The following SHC4 variants were observed in gnomAD, a reference collection of about 807,000 sequenced individuals.
SHC4 encodes the protein SHC-transforming protein 4.
In SHC4, 41 loss-of-function variants were observed where a neutral mutation model predicts 69.4. The observed-to-expected ratio is 0.59, with a 90% CI of 0.46 to 0.77. The LOEUF is 0.77. SHC4 is among the 30% of genes least tolerant of loss of function. The probability of loss-of-function intolerance (pLI) is 0.00; values close to 1 mark genes in which losing one functional copy is unlikely to be tolerated. For missense variants in SHC4, 777 were observed against 783.8 expected (o/e 0.99, Z 0.10); for synonymous variants, 318 against 299.3 (o/e 1.06, Z -0.64).
chr15:48,870,192 C>A lies in SHC4; in HGVS notation c.894+1897G>T, dbSNP rs555433854. 2.0e-5 allele frequency among the ~76,000 whole-genome samples: 3 copies of A among 152,288 alleles called. No homozygotes were observed. The South Asian group carries it at 6.2e-4, about 32-fold the overall frequency. ...TTGAGTTCCTTCATGGATGACTGAGCTAGGGAGAAGAGAAAGTGCTGGTAT... is the reference window on the plus strand; with the variant it reads ...TTGAGTTCCTTCATGGATGACTGAGATAGGGAGAAGAGAAAGTGCTGGTAT... On this transcript the variant is annotated intron_variant, in intron 5 of 11. Transcript: ENST00000332408.
intron 10 of SHC4, among the ~76,000 whole-genome samples, chr15:48,841,616 C>T (rs1021710260): frequency 2.6e-5 from 4 of 152,186 alleles, no homozygotes; most frequent in Non-Finnish European, 4.4e-5. Flanking sequence ...AGGACAACTC[C>T]GACAGACCAC....
At chr15:48,864,092 G>A (rs748220244) in intron 6 of SHC4, among the ~76,000 whole-genome samples, 4 of 151,980 alleles carry the variant, frequency 2.6e-5, no homozygotes. Context: ...TTCTATTTAT[G>A]AGAATTTCTG....
intron 2 of SHC4, among the ~76,000 whole-genome samples, chr15:48,913,556 TC>T (rs1464489935): frequency 6.6e-6 from 1 of 152,152 alleles, no homozygotes; most frequent in Non-Finnish European, 1.5e-5. Flanking sequence ...AGGTCTTGGT[TC>T]TTTCCCTACA....
At chr15:48,900,412 C>A (rs924077634) in intron 2 of SHC4, among the ~76,000 whole-genome samples, 16 of 151,580 alleles carry the variant, frequency 1.1e-4, no homozygotes, top group Admixed American at 1.3e-4. Context: ...GAGGCTGAGG[C>A]AGGAGAATCT....
chr15:48,872,111 G>A lies in SHC4; in HGVS notation c.872C>T (p.Ser291Leu). 3 of 1,594,412 alleles carry A rather than the reference G, an allele frequency of 1.9e-6. No individual in the cohort carries two copies. Among genetic ancestry groups the A allele is most frequent in the Non-Finnish European group, 2.6e-6 (3 of 1,167,266 alleles). The change falls in exon 5 of 12, where the codon TCA (serine) becomes TTA (leucine). Residue 291 changes from serine to leucine, a missense_variant. Coordinates refer to ENST00000332408, the MANE Select transcript of SHC4 (RefSeq NM_203349.4). ...IIANHHMQSI[S>L]FASGGDPDTT... The stretch of plus-strand genomic sequence containing the variant: ...TACAGGATCCCCTCCAGAGGCAAAT[G>A]AAATAGACTGCATATGATGATTTGC...
intron 2 of SHC4, among the ~76,000 whole-genome samples, chr15:48,908,121 C>A (rs1390393638): frequency 6.6e-6 from 1 of 152,152 alleles, no homozygotes; most frequent in Non-Finnish European, 1.5e-5. Context: ...TTTAAGGAAT[C>A]TCCACACTGT....
At chr15:48,838,278 A>T (rs2140969872) in intron 10 of SHC4, among the ~76,000 whole-genome samples, 1 of 152,358 alleles carries the variant, frequency 6.6e-6, no homozygotes, top group Middle Eastern at 3.4e-3. Context: ...ACATTGGGTG[A>T]TTGAAAATTT....
Position 48,837,389 on chromosome 15 carries a change from C to T in SHC4, c.1484-2367G>A, listed in dbSNP as rs565765920. On this transcript the variant is annotated intron_variant, in intron 10 of 11. Transcript: ENST00000332408. The stretch of plus-strand genomic sequence containing the variant: ...TAATTTTAAAAGTTACACATACTAG[C>T]TTTTTAAAATCTAGGAAAGAGAAAA... 6.6e-5 allele frequency among the ~76,000 whole-genome samples: 10 copies of T among 152,212 alleles called. No homozygotes were observed. In the South Asian group the frequency reaches 8.3e-4, roughly 13 times the overall value.
intron 4 of SHC4, chr15:48,878,153 C>T (rs1361209934): frequency 1.3e-6 from 2 of 1,520,620 alleles, no homozygotes; most frequent in Non-Finnish European, 1.8e-6. Context: ...GAAGCTTTTT[C>T]CTAGAGGTTG....
At chr15:48,956,527 G>A (rs1901456586) in intron 1 of SHC4, among the ~76,000 whole-genome samples, 1 of 152,150 alleles carries the variant, frequency 6.6e-6, no homozygotes, top group Non-Finnish European at 1.5e-5. Flanking sequence ...AGACACATGA[G>A]GAATGCCATG....
chr15:48,826,821 A>G (rs528922429), intron 11 of SHC4, among the ~76,000 whole-genome samples: 18 of 152,264 alleles, frequency 1.2e-4, no homozygotes, highest in African/African-American at 4.1e-4. Context: ...CCTACCTCCT[A>G]TCTCTCTTTG....
intron 11 of SHC4, among the ~76,000 whole-genome samples, chr15:48,831,195 T>C (rs887272643): frequency 5.9e-5 from 9 of 152,188 alleles, no homozygotes; most frequent in African/African-American, 2.2e-4. Context: ...TAAAATAATT[T>C]AAATGTTTAC....
chr15:48,826,440 C>T (rs969699273), intron 11 of SHC4, among the ~76,000 whole-genome samples: 4 of 151,614 alleles, frequency 2.6e-5, no homozygotes, highest in African/African-American at 4.8e-5. Context: ...GTAGAGATGG[C>T]GTTTCACCGT....
intron 11 of SHC4, among the ~76,000 whole-genome samples, chr15:48,834,339 CCT>C (rs1188809981): frequency 1.3e-5 from 2 of 152,128 alleles, no homozygotes; most frequent in East Asian, 3.9e-4. Flanking sequence ...ACCAGAATGA[CCT>C]CTCTGTTCTG....
intron 4 of SHC4, chr15:48,876,510 T>A (rs1293767174): frequency 1.7e-6 from 1 of 581,500 alleles, no homozygotes; most frequent in African/African-American, 1.9e-5. Flanking sequence ...TATATATGTA[T>A]ATATATGTAA....
intron 1 of SHC4, among the ~76,000 whole-genome samples, chr15:48,955,372 C>G (rs528697685): frequency 1.6e-4 from 24 of 152,254 alleles, no homozygotes; most frequent in Admixed American, 9.8e-4. Context: ...TTAGATCACT[C>G]TCCTGGTGAT....
At chr15:48,949,826 T>C (rs1901336527) in intron 1 of SHC4, among the ~76,000 whole-genome samples, 2 of 146,350 alleles carry the variant, frequency 1.4e-5, no homozygotes, top group Non-Finnish European at 3.0e-5. Flanking sequence ...AATTAATATA[T>C]ATATAAATTA....
chr15:48,857,432 A>C (rs1404987207), intron 7 of SHC4, among the ~76,000 whole-genome samples: 1 of 152,192 alleles, frequency 6.6e-6, no homozygotes. Flanking sequence ...TAACAGAGAT[A>C]ATCTATTCTT....
intron 1 of SHC4, 117 bp downstream of exon 1, chr15:48,962,314 A>G: frequency 9.1e-7 from 1 of 1,094,164 alleles, no homozygotes; most frequent in South Asian, 1.8e-5. Flanking sequence ...GTCCAGTTGA[A>G]TCATGTCCTG....
Sources: gnomAD v4.1 joint callset for allele counts (sites outside exome capture counted in the v4.1 genomes callset) on GRCh38, gnomAD v4.1.1 for gene constraint, MANE v1.5 for transcripts, NCBI Gene and HGNC (gene_info 2026-07-23, HGNC 2026-07-21) for gene names.